HELZ: variants seen among roughly 807,000 people sequenced by gnomAD.
HELZ encodes helicase with zinc finger, also known as ATP-dependent RNA helicase with zinc finger domain.
Under a neutral mutation model 218.2 loss-of-function variants are expected in HELZ, and 23 were observed. The observed-to-expected ratio is 0.11, with a 90% confidence interval of 0.08 to 0.15. The LOEUF (loss-of-function observed/expected upper bound fraction) is 0.15. Among genes scored for constraint, HELZ ranks in the 10% least tolerant of loss-of-function variants. HELZ has a pLI of 1.00. For missense variants in HELZ, 1,813 were observed against 2,353.7 expected (o/e 0.77, Z 4.75); for synonymous variants, 814 against 829.4 (o/e 0.98, Z 0.32).
upstream of HELZ, chr17:67,245,634 G>C (rs1302125619): frequency 1.6e-6 from 1 of 640,908 alleles, no homozygotes; most frequent in Non-Finnish European, 1.9e-6. Context: ...CGAGCGGCCG[G>C]GGTCGCCTTC....
intron 3 of HELZ, among the ~76,000 whole-genome samples, chr17:67,238,899 G>C (rs2143501318): frequency 6.6e-6 from 1 of 152,210 alleles, no homozygotes; most frequent in Non-Finnish European, 1.5e-5. Flanking sequence ...TAAATAATCT[G>C]AAAGACTAAT....
chr17:67,238,002 A>G (rs954116216), intron 3 of HELZ, among the ~76,000 whole-genome samples: 1 of 150,916 alleles, frequency 6.6e-6, no homozygotes, highest in Non-Finnish European at 1.5e-5. Context: ...AAAAAAAAAA[A>G]AAAGACCTGA....
At chr17:67,225,837 G>A (rs1207083408) in intron 3 of HELZ, among the ~76,000 whole-genome samples, 1 of 152,062 alleles carries the variant, frequency 6.6e-6, no homozygotes, top group Non-Finnish European at 1.5e-5. Context: ...GAGCAAAATC[G>A]ATAAATTTTA....
At chr17:67,144,170 T>G (rs952970036) in intron 21 of HELZ, among the ~76,000 whole-genome samples, 5 of 152,192 alleles carry the variant, frequency 3.3e-5, no homozygotes, top group African/African-American at 7.2e-5. Flanking sequence ...TAAAATCATC[T>G]TACTGTCCAA....
At chr17:67,186,441 A>G (rs540579048) in intron 12 of HELZ, among the ~76,000 whole-genome samples, 2 of 152,240 alleles carry the variant, frequency 1.3e-5, no homozygotes, top group Non-Finnish European at 2.9e-5. Context: ...ATCCTATTCT[A>G]TTTGACTCTG....
chr17:67,103,182 T>C (rs2036982937), intron 31 of HELZ, among the ~76,000 whole-genome samples: 1 of 151,934 alleles, frequency 6.6e-6, no homozygotes, highest in Non-Finnish European at 1.5e-5. Context: ...CAGAAAAAAA[T>C]TGGCAAAAGC....
chr17:67,186,762 C>T (rs1201873512), intron 12 of HELZ, among the ~76,000 whole-genome samples: 1 of 152,074 alleles, frequency 6.6e-6, no homozygotes, highest in Non-Finnish European at 1.5e-5. Flanking sequence ...AAATACAACC[C>T]ACATGTAAGC....
At chr17:67,239,197 G>A (rs756641950) in intron 3 of HELZ, among the ~76,000 whole-genome samples, 2 of 152,198 alleles carry the variant, frequency 1.3e-5, no homozygotes, top group Non-Finnish European at 2.9e-5. Context: ...AACAGAAGTG[G>A]AAGATTAACC....
intron 23 of HELZ, among the ~76,000 whole-genome samples, chr17:67,130,861 A>AT (rs1208706289): frequency 6.6e-6 from 1 of 152,184 alleles, no homozygotes; most frequent in African/African-American, 2.4e-5. Flanking sequence ...GAAAGAATGG[A>AT]TTGACTTTTA....
chr17:67,197,084 T>C (rs1299474261), intron 7 of HELZ, among the ~76,000 whole-genome samples: 2 of 152,168 alleles, frequency 1.3e-5, no homozygotes, highest in African/African-American at 4.8e-5. Context: ...CCAAATCTCA[T>C]CTTGAATTGT....
chr17:67,187,985 T>C lies in HELZ; in HGVS notation c.1162+334A>G, dbSNP rs564200516. 2.6e-5 allele frequency among the ~76,000 whole-genome samples: 4 copies of C among 152,304 alleles called. No homozygotes were observed. The South Asian group carries it at 8.3e-4, about 32-fold the overall frequency. ...GGTATATACACAATTACCATTAAAA[T>C]GATATTCTACCCAAACTAATATTGA... On this transcript the variant is annotated intron_variant, in intron 12 of 32. Coordinates refer to ENST00000358691, the MANE Select transcript of HELZ (RefSeq NM_014877.4).
chr17:67,222,423 G>A (rs1429656429), intron 3 of HELZ, among the ~76,000 whole-genome samples: 1 of 152,138 alleles, frequency 6.6e-6, no homozygotes, highest in Non-Finnish European at 1.5e-5. Context: ...GGAGAGCTCG[G>A]TAACATTAAT....
intron 7 of HELZ, among the ~76,000 whole-genome samples, chr17:67,199,754 C>A (rs1238909412): frequency 6.6e-6 from 1 of 152,076 alleles, no homozygotes; most frequent in Non-Finnish European, 1.5e-5. Context: ...TTGGTATGAA[C>A]TGGGATACAT....
Position 67,188,104 on chromosome 17 carries a change from C to A in HELZ, c.1162+215G>T. 1 of 484,156 alleles carries A rather than the reference C, an allele frequency of 2.1e-6. No homozygotes were observed. The allele number at this position is 484,156 out of a possible 1,614,324, so 30.0% of individuals were successfully genotyped here. On this transcript the variant is annotated intron_variant, in intron 12 of 32. Transcript: ENST00000358691. This position sits in a 1 kb window ranked among gnomAD's most constrained non-coding sequence, Gnocchi z 4.1. ...CTACTCATACAAGTTTGGGGAACCT[C>A]AAAGTTCAAGCTTTACCTGGTGGCT...
chr17:67,096,700 G>A (rs1410450545), intron 31 of HELZ, among the ~76,000 whole-genome samples: 1 of 152,222 alleles, frequency 6.6e-6, no homozygotes, highest in Non-Finnish European at 1.5e-5. Flanking sequence ...TGAAGAGAGT[G>A]AGGGTCTTGC....
intron 31 of HELZ, among the ~76,000 whole-genome samples, chr17:67,095,872 C>A (rs576756946): frequency 1.7e-4 from 26 of 152,274 alleles, no homozygotes; most frequent in Admixed American, 7.2e-4. Context: ...AATGGTGAAT[C>A]CTTTCCAGAA....
intron 22 of HELZ, 136 bp downstream of exon 22, chr17:67,137,795 A>G: frequency 1.6e-6 from 1 of 635,310 alleles, no homozygotes; most frequent in Non-Finnish European, 2.6e-6. Context: ...TTTAATTGCC[A>G]AACCTGGCAT....
chr17:67,135,762 AAT>A (rs1315952093), intron 23 of HELZ, among the ~76,000 whole-genome samples: 2 of 152,176 alleles, frequency 1.3e-5, no homozygotes, highest in Non-Finnish European at 2.9e-5. Context: ...TCACTCAGGA[AAT>A]ATCTCTTGAA....
intron 17 of HELZ, among the ~76,000 whole-genome samples, chr17:67,158,313 G>A (rs1186242496): frequency 6.6e-6 from 1 of 152,084 alleles, no homozygotes; most frequent in East Asian, 1.9e-4. Flanking sequence ...TCTTTCCTCT[G>A]CATCCTGGGA....
Sources: gnomAD v4.1 joint callset for allele counts (sites outside exome capture counted in the v4.1 genomes callset) on GRCh38, gnomAD v4.1.1 for gene constraint, Gnocchi (gnomAD v3.1) non-coding constraint, MANE v1.5 for transcripts, NCBI Gene and HGNC (gene_info 2026-07-23, HGNC 2026-07-21) for gene names.